The following H2BC17 variants were observed in gnomAD, a reference collection of about 807,000 sequenced individuals.
H2BC17 encodes the protein histone H2B type 1-O.
Under a neutral mutation model 6.1 loss-of-function variants are expected in H2BC17, and 11 were observed. The ratio of observed to expected loss-of-function variants is 1.79; its 90% CI spans 1.13 to 2.97. H2BC17 has a LOEUF of 2.97. H2BC17 is among the 30% of genes most tolerant of loss of function. H2BC17 has a pLI of 0.00. For synonymous variants in H2BC17, 103 were observed against 74.5 expected (o/e 1.38, Z -1.97); for missense variants, 171 against 171.6 (o/e 1.00, Z 0.02).
In H2BC17 at chr6:27,893,684, C is replaced by T. The variant is rs1232215540; in HGVS notation, c.222C>T (p.Ile74=). 3.1e-6 allele frequency: 5 copies of T among 1,614,170 alleles called. No homozygotes were observed. The highest frequency in any genetic ancestry group is 4.5e-5 in the East Asian group (2 of 44,896). The change falls in exon 1 of 1, where the codon ATC becomes ATT. Residue 74 remains isoleucine (I), a synonymous_variant. Coordinates refer to ENST00000616182, the MANE Select transcript of H2BC17 (RefSeq NM_003527.4). ...TCGTCAATGACATCTTTGAGCGCATCGCTGGCGAGGCTTCCCGCCTGGCGC... is the reference window on the plus strand; with the variant it reads ...TCGTCAATGACATCTTTGAGCGCATTGCTGGCGAGGCTTCCCGCCTGGCGC... ...NSFVNDIFER[I]AGEASRLAHY... is the part of the protein sequence containing the mutation.
chr6:27,893,854 C>T lies in H2BC17; in HGVS notation c.*11C>T. 3.1e-6 allele frequency: 5 copies of T among 1,614,174 alleles called. No individual in the cohort carries two copies. The highest frequency in any genetic ancestry group is 4.2e-6 in the Non-Finnish European group (5 of 1,180,026). On this transcript the variant is annotated 3_prime_UTR_variant, in exon 1 of 1. Transcript: ENST00000616182. ...ACCAGCTCCAAGTGAGCTCTCGCAG[C>T]TGCCAGCAATCCAAAGGCTCTTTTC...
chr6:27,893,609 C>A lies in H2BC17; in HGVS notation c.147C>A (p.Val49=). The A allele has an allele frequency of 6.2e-7, 1 of 1,614,268 alleles. No homozygotes were observed. Among genetic ancestry groups the A allele is most frequent in the Non-Finnish European group, 8.5e-7 (1 of 1,180,056 alleles). ...ACGTGTACAAGGTGCTGAAGCAAGT[C>A]CACCCCGACACCGGCATCTCATCGA... ...SIYVYKVLKQ[V]HPDTGISSKA... Residue 49 remains valine (V), a synonymous_variant, in exon 1 of 1, where the codon GTC becomes GTA. Coordinates refer to ENST00000616182, the MANE Select transcript of H2BC17 (RefSeq NM_003527.4).
rs776960627 is a variant in H2BC17, at chr6:27,893,526, G to A, written c.64G>A (p.Ala22Thr). ...GGGCTCCAAGAAAGCCGTAACCAAGGCCCAGAAAAAGGACGGCAAGAAGCG... is the reference window on the plus strand; with the variant it reads ...GGGCTCCAAGAAAGCCGTAACCAAGACCCAGAAAAAGGACGGCAAGAAGCG... ...KKGSKKAVTKAQKKDGKKRKR... is the reference protein window; with the variant it reads ...KKGSKKAVTKTQKKDGKKRKR... The change falls in exon 1 of 1, where the codon GCC (alanine) becomes ACC (threonine). Residue 22 changes from alanine to threonine, a missense_variant. By Grantham distance (58) the Ala-to-Thr change is moderately conservative (BLOSUM62 0). Coordinates refer to ENST00000616182, the MANE Select transcript of H2BC17 (RefSeq NM_003527.4). The A allele has an allele frequency of 3.1e-6, 5 of 1,613,924 alleles. No homozygotes were observed. In the South Asian group the frequency reaches 3.3e-5, roughly 11 times the overall value.
chr6:27,893,433 T>C lies in H2BC17; in HGVS notation c.-30T>C. On this transcript the variant is annotated 5_prime_UTR_variant, in exon 1 of 1. Transcript: ENST00000616182. ...TAACCCAGCTTGTCCTCATTCTTGT[T>C]ATTTGAGTGCTCTTTCACTCTCCTC... 1 of 1,562,562 alleles carries C rather than the reference T, an allele frequency of 6.4e-7. No individual in the cohort carries two copies. Among genetic ancestry groups the C allele is most frequent in the South Asian group, 1.2e-5 (1 of 82,124 alleles).
rs1761948180 is a variant in H2BC17, at chr6:27,893,881, G to A, written c.*38G>A. 1 of 1,612,726 alleles carries A rather than the reference G, an allele frequency of 6.2e-7. No homozygotes were observed. On this transcript the variant is annotated 3_prime_UTR_variant, in exon 1 of 1. Transcript: ENST00000616182. ...GCCAGCAATCCAAAGGCTCTTTTCA[G>A]AGCCACTCACGCTTCCAGAGAAAGA... is the stretch of plus-strand genomic sequence containing the variant.
Position 27,893,591 on chromosome 6 carries a change from C to G in H2BC17, c.129C>G (p.Tyr43Ter), listed in dbSNP as rs915712206. The change falls in exon 1 of 1, where the codon TAC becomes TAG. Residue 43 changes from tyrosine (Y) to a stop codon, truncating the protein, a stop_gained. Coordinates refer to ENST00000616182, the MANE Select transcript of H2BC17 (RefSeq NM_003527.4). LOFTEE classifies it high-confidence loss of function. The part of the protein sequence containing the change: ...SRKESYSIYV[Y>*]KVLKQVHPDT... ...AAGAGAGTTACTCTATCTACGTGTA[C>G]AAGGTGCTGAAGCAAGTCCACCCCG... is the stretch of plus-strand genomic sequence containing the variant. 6.2e-7 allele frequency: 1 copy of G among 1,614,256 alleles called. No homozygotes were observed. Among genetic ancestry groups the G allele is most frequent in the South Asian group, 1.1e-5 (1 of 91,090 alleles).
chr6:27,893,632 C>T lies in H2BC17; in HGVS notation c.170C>T (p.Ser57Leu). 1 of 1,614,274 alleles carries T rather than the reference C, an allele frequency of 6.2e-7. No individual in the cohort carries two copies. The highest frequency in any genetic ancestry group is 8.5e-7 in the Non-Finnish European group (1 of 1,180,052). The change falls in exon 1 of 1, where the codon TCG (serine) becomes TTG (leucine). Residue 57 changes from serine to leucine, a missense_variant. Physicochemically the swap from Ser to Leu is moderately radical, Grantham distance 145. Coordinates refer to ENST00000616182, the MANE Select transcript of H2BC17 (RefSeq NM_003527.4). ...KQVHPDTGISSKAMGIMNSFV... is the reference protein window; with the variant it reads ...KQVHPDTGISLKAMGIMNSFV... ...GTCCACCCCGACACCGGCATCTCAT[C>T]GAAGGCCATGGGCATCATGAACTCC...
Position 27,893,797 on chromosome 6 carries a change from T to C in H2BC17, c.335T>C (p.Val112Ala). Residue 112 changes from valine (V) to alanine (A), a missense_variant, in exon 1 of 1, where the codon GTG (valine) becomes GCG (alanine). Val to Ala is a moderately conservative substitution (Grantham distance 64). Transcript: ENST00000616182. Reference protein sequence around the residue: ...LLPGELAKHAVSEGTKAVTKY... With the variant: ...LLPGELAKHAASEGTKAVTKY... ...CCCGGGGAGCTGGCCAAGCACGCCG[T>C]GTCCGAGGGCACAAAGGCCGTCACC... is the stretch of plus-strand genomic sequence containing the variant. 1 of 1,614,232 alleles carries C rather than the reference T, an allele frequency of 6.2e-7. No homozygotes were observed. The highest frequency in any genetic ancestry group is 1.1e-5 in the South Asian group (1 of 91,088).
At position 27,893,544 on chromosome 6, in the gene H2BC17, A is replaced by G. The variant is rs748392326; in HGVS notation, c.82A>G (p.Lys28Glu). Residue 28 changes from lysine to glutamate, a missense_variant, in exon 1 of 1, where the codon AAG (lysine) becomes GAG (glutamate). Lys to Glu is a moderately conservative substitution (Grantham distance 56, BLOSUM62 1). Coordinates refer to ENST00000616182, the MANE Select transcript of H2BC17 (RefSeq NM_003527.4). ...AVTKAQKKDG[K>E]KRKRSRKESY... is the part of the protein sequence containing the mutation. ...AACCAAGGCCCAGAAAAAGGACGGC[A>G]AGAAGCGCAAGCGCAGCCGCAAAGA... 6 of 1,614,236 alleles carry G rather than the reference A, an allele frequency of 3.7e-6. No homozygotes were observed. Among genetic ancestry groups the G allele is most frequent in the Non-Finnish European group, 5.1e-6 (6 of 1,180,032 alleles).
chr6:27,893,672 C>A lies in H2BC17; in HGVS notation c.210C>A (p.Ile70=). 4 of 1,614,274 alleles carry A rather than the reference C, an allele frequency of 2.5e-6. No homozygotes were observed. The highest frequency in any genetic ancestry group is 3.4e-6 in the Non-Finnish European group (4 of 1,180,050). The change falls in exon 1 of 1, where the codon ATC becomes ATA. Residue 70 remains isoleucine, a synonymous_variant. Transcript: ENST00000616182. ...MGIMNSFVND[I]FERIAGEASR... ...TCATGAACTCCTTCGTCAATGACAT[C>A]TTTGAGCGCATCGCTGGCGAGGCTT... is the stretch of plus-strand genomic sequence containing the variant.
At position 27,893,723 on chromosome 6, in the gene H2BC17, C is replaced by T; in HGVS notation, c.261C>T (p.Arg87=). The change falls in exon 1 of 1, where the codon CGC becomes CGT. Residue 87 remains arginine (R), a synonymous_variant. Transcript: ENST00000616182. ...CCCGCCTGGCGCATTACAACAAGCG[C>T]TCGACCATCACCTCCAGGGAGATCC... ...EASRLAHYNK[R]STITSREIQT... is the part of the protein sequence containing the mutation. 2 of 1,614,286 alleles carry T rather than the reference C, an allele frequency of 1.2e-6. No homozygotes were observed. The highest frequency in any genetic ancestry group is 1.7e-6 in the Non-Finnish European group (2 of 1,180,054).
At position 27,893,496 on chromosome 6, in the gene H2BC17, A is replaced by G. The variant is rs772261982; in HGVS notation, c.34A>G (p.Lys12Glu). 2 of 1,611,594 alleles carry G rather than the reference A, an allele frequency of 1.2e-6. No homozygotes were observed. Among genetic ancestry groups the G allele is most frequent in the African/African-American group, 2.7e-5 (2 of 74,720 alleles). ...PDPAKSAPAP[K>E]KGSKKAVTKA... ...CCCGGCTAAATCTGCTCCTGCCCCC[A>G]AAAAGGGCTCCAAGAAAGCCGTAAC... is the stretch of plus-strand genomic sequence containing the variant. The change falls in exon 1 of 1, where the codon AAA (lysine) becomes GAA (glutamate). Residue 12 changes from lysine (K) to glutamate (E), a missense_variant. Physicochemically the swap from Lys to Glu is moderately conservative, Grantham distance 56. Transcript: ENST00000616182.
At position 27,893,859 on chromosome 6, in the gene H2BC17, A is replaced by G. The variant is rs2113588107; in HGVS notation, c.*16A>G. ...CTCCAAGTGAGCTCTCGCAGCTGCC[A>G]GCAATCCAAAGGCTCTTTTCAGAGC... On this transcript the variant is annotated 3_prime_UTR_variant, in exon 1 of 1. Transcript: ENST00000616182. The G allele has an allele frequency of 1.9e-6, 3 of 1,614,144 alleles. No homozygotes were observed. Among genetic ancestry groups the G allele is most frequent in the Non-Finnish European group, 2.5e-6 (3 of 1,180,012 alleles).
Position 27,893,501 on chromosome 6 carries a change from G to A in H2BC17, c.39G>A (p.Lys13=). 1 of 1,612,628 alleles carries A rather than the reference G, an allele frequency of 6.2e-7. No homozygotes were observed. Among genetic ancestry groups the A allele is most frequent in the South Asian group, 1.1e-5 (1 of 90,972 alleles). ...DPAKSAPAPK[K]GSKKAVTKAQ... ...CTAAATCTGCTCCTGCCCCCAAAAA[G>A]GGCTCCAAGAAAGCCGTAACCAAGG... Residue 13 remains lysine, a synonymous_variant, in exon 1 of 1, where the codon AAG becomes AAA. Transcript: ENST00000616182.
At position 27,893,874 on chromosome 6, in the gene H2BC17, CTT is replaced by C. The variant is rs769714125; in HGVS notation, c.*34_*35del. On this transcript the variant is annotated 3_prime_UTR_variant, in exon 1 of 1. Transcript: ENST00000616182. Reference sequence around the variant, plus strand: ...CGCAGCTGCCAGCAATCCAAAGGCTCTTTTCAGAGCCACTCACGCTTCCAGAG... The same window carrying C: ...CGCAGCTGCCAGCAATCCAAAGGCTCTTCAGAGCCACTCACGCTTCCAGAG... The C allele has an allele frequency of 1.9e-6, 3 of 1,613,256 alleles. No individual in the cohort carries two copies. Among genetic ancestry groups the C allele is most frequent in the South Asian group, 1.1e-5 (1 of 91,042 alleles).
Position 27,893,633 on chromosome 6 carries a change from G to A in H2BC17, c.171G>A (p.Ser57=), listed in dbSNP as rs1761943002. The stretch of plus-strand genomic sequence containing the variant: ...TCCACCCCGACACCGGCATCTCATC[G>A]AAGGCCATGGGCATCATGAACTCCT... The part of the protein sequence containing the change: ...KQVHPDTGIS[S]KAMGIMNSFV... The change falls in exon 1 of 1, where the codon TCG becomes TCA. Residue 57 remains serine (S), a synonymous_variant. Coordinates refer to ENST00000616182, the MANE Select transcript of H2BC17 (RefSeq NM_003527.4). 1 of 1,614,232 alleles carries A rather than the reference G, an allele frequency of 6.2e-7. No individual in the cohort carries two copies. The highest frequency in any genetic ancestry group is 8.5e-7 in the Non-Finnish European group (1 of 1,180,044).
chr6:27,893,588 G>A lies in H2BC17; in HGVS notation c.126G>A (p.Val42=). The change falls in exon 1 of 1, where the codon GTG becomes GTA. Residue 42 remains valine (V), a synonymous_variant. Coordinates refer to ENST00000616182, the MANE Select transcript of H2BC17 (RefSeq NM_003527.4). ...GCAAAGAGAGTTACTCTATCTACGT[G>A]TACAAGGTGCTGAAGCAAGTCCACC... ...RSRKESYSIY[V]YKVLKQVHPD... 1 of 1,614,260 alleles carries A rather than the reference G, an allele frequency of 6.2e-7. No homozygotes were observed. The highest frequency in any genetic ancestry group is 8.5e-7 in the Non-Finnish European group (1 of 1,180,056).
In H2BC17 at chr6:27,893,699, C is replaced by T. The variant is rs1167728396; in HGVS notation, c.237C>T (p.Ser79=). 1.9e-6 allele frequency: 3 copies of T among 1,614,150 alleles called. No homozygotes were observed. The stretch of plus-strand genomic sequence containing the variant: ...TTGAGCGCATCGCTGGCGAGGCTTC[C>T]CGCCTGGCGCATTACAACAAGCGCT... The part of the protein sequence containing the change: ...DIFERIAGEA[S]RLAHYNKRST... Residue 79 remains serine, a synonymous_variant, in exon 1 of 1, where the codon TCC becomes TCT. Transcript: ENST00000616182.
Position 27,893,623 on chromosome 6 carries a change from G to T in H2BC17, c.161G>T (p.Gly54Val). ...CTGAAGCAAGTCCACCCCGACACCG[G>T]CATCTCATCGAAGGCCATGGGCATC... ...KVLKQVHPDT[G>V]ISSKAMGIMN... The change falls in exon 1 of 1, where the codon GGC becomes GTC. Residue 54 changes from glycine to valine, a missense_variant. Transcript: ENST00000616182. The T allele has an allele frequency of 6.2e-7, 1 of 1,614,230 alleles. No homozygotes were observed. The highest frequency in any genetic ancestry group is 8.5e-7 in the Non-Finnish European group (1 of 1,180,042).
Sources: allele counts gnomAD v4.1 joint callset, GRCh38; gene constraint gnomAD v4.1.1; transcripts MANE v1.5; gene names NCBI Gene and HGNC (gene_info 2026-07-23, HGNC 2026-07-21).